Variants in AOAH observed in about 807,000 individuals in gnomAD.
AOAH encodes acyloxyacyl hydrolase, also known as acyloxyacyl hydrolase (neutrophil).
In AOAH, 64 loss-of-function variants were observed where a neutral mutation model predicts 92.2. That is an observed-to-expected ratio of 0.69 (90% CI 0.57 to 0.86). The LOEUF (loss-of-function observed/expected upper bound fraction) is 0.86, where lower values mean the gene tolerates loss of function less well. Among genes scored for constraint, AOAH ranks in the 40% least tolerant of loss-of-function variants. The pLI is 0.00. For synonymous variants in AOAH, 263 were observed against 254.5 expected (o/e 1.03, Z -0.32); for missense variants, 656 against 694.6 (o/e 0.94, Z 0.62).
intron 11 of AOAH, among the ~76,000 whole-genome samples, chr7:36,603,004 C>T (rs1482419533): frequency 3.9e-5 from 6 of 152,200 alleles, no homozygotes; most frequent in Admixed American, 3.9e-4. Context: ...GTGACTGCAG[C>T]AACCTCTGGC....
At chr7:36,576,819 G>A (rs1232566556) in intron 12 of AOAH, among the ~76,000 whole-genome samples, 163 bp from the exon 13 acceptor site, 1 of 152,128 alleles carries the variant, frequency 6.6e-6, no homozygotes, top group Non-Finnish European at 1.5e-5. Flanking sequence ...TGTAATATTG[G>A]CAGTTGTTAT....
At chr7:36,609,986 G>A (rs76768185) in intron 11 of AOAH, among the ~76,000 whole-genome samples, 2 of 152,020 alleles carry the variant, frequency 1.3e-5, no homozygotes, top group African/African-American at 2.4e-5. Context: ...ATGGAAACAC[G>A]AGGTGTCTGA....
At chr7:36,659,139 A>T (rs1795051346) in intron 4 of AOAH, 27 bp downstream of exon 4, 2 of 1,565,818 alleles carry the variant, frequency 1.3e-6, no homozygotes, top group Non-Finnish European at 1.8e-6. Context: ...CCCTGGAAAC[A>T]GATGTTCAGA....
intron 13 of AOAH, among the ~76,000 whole-genome samples, chr7:36,575,393 C>T (rs1192451402): frequency 3.3e-5 from 5 of 152,150 alleles, no homozygotes; most frequent in South Asian, 2.1e-4. Flanking sequence ...CCAGCTGCTA[C>T]GGTGTGAATA....
intron 16 of AOAH, among the ~76,000 whole-genome samples, chr7:36,536,738 C>A (rs1304083806): frequency 6.6e-6 from 1 of 152,046 alleles, no homozygotes; most frequent in East Asian, 1.9e-4. Flanking sequence ...CACCTGAGAT[C>A]AGGAGATCGA....
intron 20 of AOAH, chr7:36,514,732 G>C (rs1035012443): frequency 4.7e-6 from 3 of 641,556 alleles, no homozygotes; most frequent in South Asian, 3.7e-5. Context: ...TACATTGTTC[G>C]GGAAGGATGC....
chr7:36,702,039 A>G (rs919175240), intron 1 of AOAH, among the ~76,000 whole-genome samples: 1 of 152,024 alleles, frequency 6.6e-6, no homozygotes, highest in Non-Finnish European at 1.5e-5. Context: ...AGACTTCACA[A>G]CTTTGCTCTA....
chr7:36,692,280 C>T (rs1287979243), intron 1 of AOAH, among the ~76,000 whole-genome samples: 16 of 152,166 alleles, frequency 1.1e-4, no homozygotes, highest in Admixed American at 1.0e-3. Context: ...ACATCTTCTC[C>T]ACGAACTCTT....
chr7:36,647,938 C>T (rs550544647), intron 4 of AOAH, among the ~76,000 whole-genome samples: 13 of 151,932 alleles, frequency 8.6e-5, no homozygotes, highest in Middle Eastern at 3.4e-3. Context: ...TCAAACTATT[C>T]TCCTGTCTCA....
At chr7:36,569,980 G>A (rs1182268958) in intron 13 of AOAH, among the ~76,000 whole-genome samples, 1 of 151,894 alleles carries the variant, frequency 6.6e-6, no homozygotes, top group Non-Finnish European at 1.5e-5. Context: ...TTTATTTTTT[G>A]TCTTTTATCT....
intron 4 of AOAH, among the ~76,000 whole-genome samples, chr7:36,652,430 G>C (rs1794633438): frequency 6.6e-6 from 1 of 152,220 alleles, no homozygotes; most frequent in Admixed American, 6.5e-5. Flanking sequence ...AATTTCAAAA[G>C]ATATGTGTAG....
At chr7:36,530,363 C>G in intron 19 of AOAH, 55 bp downstream of exon 19, 5 of 1,295,198 alleles carry the variant, frequency 3.9e-6, no homozygotes, top group Non-Finnish European at 5.6e-6. Flanking sequence ...GTTGCCCAGG[C>G]CCTAAACTAG....
At chr7:36,711,464 C>T (rs1282594025) in intron 1 of AOAH, among the ~76,000 whole-genome samples, 2 of 152,128 alleles carry the variant, frequency 1.3e-5, no homozygotes, top group Non-Finnish European at 2.9e-5. Context: ...AAGTCACAGG[C>T]CCTTCTCAGA....
chr7:36,671,548 C>T (rs1015973221), intron 3 of AOAH, among the ~76,000 whole-genome samples: 5 of 151,998 alleles, frequency 3.3e-5, no homozygotes, highest in East Asian at 1.9e-4. Flanking sequence ...TAGGAAAATG[C>T]GTGCATGCTC....
chr7:36,542,965 T>C (rs924373622), intron 15 of AOAH, among the ~76,000 whole-genome samples: 8 of 152,158 alleles, frequency 5.3e-5, no homozygotes, highest in African/African-American at 1.9e-4. Flanking sequence ...TATTAAAGTA[T>C]TGTTGACTAC....
chr7:36,522,013 T>C lies in AOAH; in HGVS notation c.1599+26A>G, dbSNP rs549491745. The C allele has an allele frequency of 3.1e-5, 50 of 1,595,238 alleles. 1 individual carries two copies. The South Asian group carries it at 5.4e-4, about 17-fold the overall frequency. ...ACCAACAAACCATCAAATAGCCTTC[T>C]GCAGCCACCATGTGACTGTGCTTAC... On this transcript the variant is annotated intron_variant, in intron 20 of 20. Coordinates refer to ENST00000617537, the MANE Select transcript of AOAH (RefSeq NM_001637.4).
chr7:36,593,921 C>A (rs2727807), intron 12 of AOAH, among the ~76,000 whole-genome samples: 2 of 152,210 alleles, frequency 1.3e-5, no homozygotes, highest in Non-Finnish European at 2.9e-5. Flanking sequence ...CATTCAAACT[C>A]ACCAGGCCTG....
chr7:36,562,043 G>C (rs1249962744), intron 13 of AOAH, among the ~76,000 whole-genome samples: 1 of 152,168 alleles, frequency 6.6e-6, no homozygotes, highest in Non-Finnish European at 1.5e-5. Flanking sequence ...TCCATACTAT[G>C]AGCCTAGAAT....
At chr7:36,563,335 A>G (rs189728231) in intron 13 of AOAH, among the ~76,000 whole-genome samples, 2 of 127,574 alleles carry the variant, frequency 1.6e-5, no homozygotes, top group Admixed American at 1.7e-4. Context: ...ATCTAGAGTG[A>G]GAACTAGAGG....
Sources: allele counts gnomAD v4.1 joint callset (sites outside exome capture counted in the v4.1 genomes callset), GRCh38; gene constraint gnomAD v4.1.1; transcripts MANE v1.5; gene names NCBI Gene and HGNC (gene_info 2026-07-23, HGNC 2026-07-21).